Variants in SH2B3 observed in about 807,000 individuals in gnomAD.
SH2B3 encodes the protein SH2B adapter protein 3.
Under a neutral mutation model 51.9 loss-of-function variants are expected in SH2B3, and 43 were observed. The ratio of observed to expected loss-of-function variants is 0.83; its 90% confidence interval spans 0.65 to 1.07. The LOEUF (loss-of-function observed/expected upper bound fraction) is 1.07, where lower values mean the gene tolerates loss of function less well. SH2B3 is among the 50% of genes least tolerant of loss of function. The pLI is 0.00. For missense variants in SH2B3, 952 were observed against 834.3 expected (o/e 1.14, Z -1.74); for synonymous variants, 396 against 376.0 (o/e 1.05, Z -0.62).
chr12:111,434,966 G>A (rs1593060377), intron 2 of SH2B3: 1 of 1,535,616 alleles, frequency 6.5e-7, no homozygotes. Context: ...AGTTGGCTGG[G>A]AGCCCCTCCA....
chr12:111,443,171 C>A (rs894960538), intron 2 of SH2B3, among the ~76,000 whole-genome samples: 2 of 152,212 alleles, frequency 1.3e-5, no homozygotes, highest in Non-Finnish European at 2.9e-5. Context: ...TCCCTCCAGG[C>A]GGGCTGAACA....
Position 111,447,393 on chromosome 12 carries a change from A to G in SH2B3, c.1085A>G (p.Tyr362Cys), listed in dbSNP as rs762276677. 1 of 1,613,762 alleles carries G rather than the reference A, an allele frequency of 6.2e-7. No individual in the cohort carries two copies. The highest frequency in any genetic ancestry group is 1.3e-5 in the African/African-American group (1 of 74,820). Residue 362 changes from tyrosine to cysteine, a missense_variant, in exon 6 of 8, where the codon TAC becomes TGC. Coordinates refer to ENST00000341259, the MANE Select transcript of SH2B3 (RefSeq NM_005475.3). ...AAGACGGACCATTTCCTGTCCTGCT[A>G]CCCCTGGTTCCACGGCCCCATCTCC... ...CQKTDHFLSC[Y>C]PWFHGPISRV...
chr12:111,437,841 A>G (rs1873021931), intron 2 of SH2B3, among the ~76,000 whole-genome samples: 1 of 152,072 alleles, frequency 6.6e-6, no homozygotes, highest in South Asian at 2.1e-4. Context: ...GGTCCCAGGT[A>G]CCTACCCAAG....
At position 111,410,424 on chromosome 12, in the gene SH2B3, C is replaced by CTCAACCCA. The variant is rs2135533540; in HGVS notation, c.-28+4148_-28+4155dup. 6.6e-6 allele frequency among the ~76,000 whole-genome samples: 1 copy of CTCAACCCA among 152,314 alleles called. No individual in the cohort carries two copies. Among genetic ancestry groups the CTCAACCCA allele is most frequent in the South Asian group, 2.1e-4 (1 of 4,822 alleles). On this transcript the variant is annotated intron_variant, in intron 1 of 7. Coordinates refer to ENST00000341259, the MANE Select transcript of SH2B3 (RefSeq NM_005475.3). The surrounding 1 kb of genome is among the most constrained non-coding windows in gnomAD (Gnocchi z 4.9). ...CCTCCTAGGGTCTCCCCTGTCTGCC[C>CTCAACCCA]TCAACCCAGAGGCAGTGAAAGGAAG...
rs757977336 is a variant in SH2B3 at position 111,447,192 on chromosome 12, A to G, written c.994A>G (p.Arg332Gly). 1.4e-5 allele frequency: 22 copies of G among 1,613,550 alleles called. No homozygotes were observed. The highest frequency in any genetic ancestry group is 1.1e-4 in the African/African-American group (8 of 74,914). Residue 332 changes from arginine to glycine, a missense_variant, in exon 5 of 8, where the codon AGG becomes GGG. By Grantham distance (125) the Arg-to-Gly change is moderately radical. Transcript: ENST00000341259. Reference sequence around the variant, plus strand: ...AGAGCCTAGCACGTCCAGCTCCCCAAGGGGCAGCACAGATTCCCTTAACCA... The same window carrying G: ...AGAGCCTAGCACGTCCAGCTCCCCAGGGGGCAGCACAGATTCCCTTAACCA... ...ALEPSTSSSP[R>G]GSTDSLNQGA...
At chr12:111,444,407 C>A (rs953321748) in intron 2 of SH2B3, among the ~76,000 whole-genome samples, 5 of 152,156 alleles carry the variant, frequency 3.3e-5, no homozygotes, top group Admixed American at 3.3e-4. Flanking sequence ...CAGAAGCCAT[C>A]TGTTTAGATG....
At chr12:111,441,139 G>A (rs1267986301) in intron 2 of SH2B3, among the ~76,000 whole-genome samples, 1 of 151,112 alleles carries the variant, frequency 6.6e-6, no homozygotes, top group Non-Finnish European at 1.5e-5. Context: ...CATTTTGGGA[G>A]GCCGAGGCAG....
At chr12:111,430,825 G>A (rs953048964) in intron 2 of SH2B3, among the ~76,000 whole-genome samples, 1 of 152,176 alleles carries the variant, frequency 6.6e-6, no homozygotes, top group Non-Finnish European at 1.5e-5. Flanking sequence ...CTGAAGGGCA[G>A]AAAAAGGGGA....
chr12:111,423,494 C>T (rs759206619), intron 2 of SH2B3, among the ~76,000 whole-genome samples: 4 of 152,096 alleles, frequency 2.6e-5, no homozygotes, highest in East Asian at 1.9e-4. Flanking sequence ...CTCAGCCTCC[C>T]GGGTAGCTGG....
At chr12:111,424,719 C>T (rs545846976) in intron 2 of SH2B3, among the ~76,000 whole-genome samples, 3 of 152,142 alleles carry the variant, frequency 2.0e-5, no homozygotes, top group Non-Finnish European at 4.4e-5. Flanking sequence ...TCAGGAGCAT[C>T]CCCTCAGTGA....
intron 2 of SH2B3, among the ~76,000 whole-genome samples, chr12:111,424,596 C>CT (rs2135559089): frequency 6.6e-6 from 1 of 152,230 alleles, no homozygotes; most frequent in East Asian, 1.9e-4. Context: ...GGCTGGGGCT[C>CT]TGTCACAGGC....
At chr12:111,431,942 A>T (rs1872525755) in intron 2 of SH2B3, among the ~76,000 whole-genome samples, 1 of 152,122 alleles carries the variant, frequency 6.6e-6, no homozygotes, top group Admixed American at 6.5e-5. Context: ...CTCCGCCTCC[A>T]AATTCCAATT....
rs1007941818 is a variant in SH2B3 at position 111,418,931 on chromosome 12, C to A, written c.732+54C>A. The A allele has an allele frequency of 5.9e-6, 8 of 1,351,500 alleles. No homozygotes were observed. Among genetic ancestry groups the A allele is most frequent in the Non-Finnish European group, 7.6e-6 (8 of 1,057,278 alleles). The allele number at this position is 1,351,500 out of a possible 1,614,324, so 83.7% of individuals were successfully genotyped here. A position where few individuals can be genotyped will look rare whatever the true frequency, so the allele number is the denominator to read the frequency against. On this transcript the variant is annotated intron_variant, in intron 2 of 7. Transcript: ENST00000341259. This position sits in a 1 kb window ranked among gnomAD's most constrained non-coding sequence, Gnocchi z 6.7. ...CACTGCACTGCGCCCTTCGCCTTCA[C>A]CCTGGGGAGAGCGCGGGCTGGGGAG... is the stretch of plus-strand genomic sequence containing the variant.
At chr12:111,416,496 T>C (rs1369590495) in intron 1 of SH2B3, among the ~76,000 whole-genome samples, 2 of 151,890 alleles carry the variant, frequency 1.3e-5, no homozygotes, top group Non-Finnish European at 2.9e-5. Flanking sequence ...TTTTTTGTTT[T>C]TTTGTTTTTT....
intron 2 of SH2B3, among the ~76,000 whole-genome samples, chr12:111,446,363 CAT>C (rs2135612353): frequency 6.6e-6 from 1 of 152,344 alleles, no homozygotes; most frequent in African/African-American, 2.4e-5. Context: ...TTAGGCTAGC[CAT>C]GCTAGGCTCT....
rs1052225435 is a variant in SH2B3, at chr12:111,418,308, C to G, written c.163C>G (p.His55Asp). 3.9e-6 allele frequency: 6 copies of G among 1,530,704 alleles called. No homozygotes were observed. Among genetic ancestry groups the G allele is most frequent in the Non-Finnish European group, 5.2e-6 (6 of 1,144,824 alleles). 94.8% of individuals were successfully genotyped at this position (1,530,704 alleles called of 1,614,324 possible). The change falls in exon 2 of 8, where the codon CAC becomes GAC. Residue 55 changes from histidine to aspartate, a missense_variant. By Grantham distance (81) the His-to-Asp change is moderately conservative. Transcript: ENST00000341259. This position sits in a 1 kb window ranked among gnomAD's most constrained non-coding sequence, Gnocchi z 6.7. ...GCTGTTCGCCCGGGAGCATCCGCAG[C>G]ACGCGCCGCTGCGCGCCGAGCTGGT... ...YWLFAREHPQ[H>D]APLRAELVSL...
intron 1 of SH2B3, among the ~76,000 whole-genome samples, chr12:111,408,348 G>A (rs1870407483): frequency 6.6e-6 from 1 of 152,148 alleles, no homozygotes. Context: ...CCTTGGGGCC[G>A]GAATGATCTT....
Position 111,447,754 on chromosome 12 carries a change from C to A in SH2B3, c.1335C>A (p.Pro445=). 1 of 1,614,164 alleles carries A rather than the reference C, an allele frequency of 6.2e-7. No individual in the cohort carries two copies. The highest frequency in any genetic ancestry group is 8.5e-7 in the Non-Finnish European group (1 of 1,180,020). Residue 445 remains proline (P), a synonymous_variant, in exon 7 of 8, where the codon CCC becomes CCA. Coordinates refer to ENST00000341259, the MANE Select transcript of SH2B3 (RefSeq NM_005475.3). The stretch of plus-strand genomic sequence containing the variant: ...TGCTCCACCACTTCCAGCGCTCGCC[C>A]ATCCCACTCGAGTGCGGCGCCGCCT... ...VDMLHHFQRS[P]IPLECGAACD...
At chr12:111,445,667 T>A (rs73410511) in intron 2 of SH2B3, among the ~76,000 whole-genome samples, 324 of 152,380 alleles carry the variant, frequency 2.1e-3, no homozygotes, top group African/African-American at 7.3e-3. Context: ...CCAGGAGACC[T>A]GCTGGAAGGG....
Sources: allele counts gnomAD v4.1 joint callset (sites outside exome capture counted in the v4.1 genomes callset), GRCh38; gene constraint gnomAD v4.1.1; non-coding constraint Gnocchi (gnomAD v3.1); transcripts MANE v1.5; gene names NCBI Gene and HGNC (gene_info 2026-07-23, HGNC 2026-07-21).